TMEM117: variants seen among roughly 807,000 people sequenced by gnomAD.
TMEM117 encodes transmembrane protein 117.
In TMEM117, 27 loss-of-function variants were observed where a neutral mutation model predicts 52.4. The observed-to-expected ratio is 0.51, with a 90% CI of 0.38 to 0.71. The LOEUF is 0.71. Ranked by LOEUF, TMEM117 falls within the 30% of genes least tolerant of loss-of-function variation. The pLI, the probability that TMEM117 is intolerant of heterozygous loss-of-function variation, is 0.00. For synonymous variants in TMEM117, 215 were observed against 206.3 expected, an observed-to-expected ratio of 1.04 and a Z score of -0.36; for missense variants, 556 against 630.5, an observed-to-expected ratio of 0.88 and a Z score of 1.26.
At position 44,172,912 on chromosome 12, in the gene TMEM117, A is replaced by G. The variant is rs569551926; in HGVS notation, c.510+29288A>G. Among the ~76,000 whole-genome samples the G allele has an allele frequency of 2.6e-5, 4 of 152,130 alleles. No individual in the cohort carries two copies. The South Asian group carries it at 6.2e-4, about 24-fold the overall frequency. ...GCTAATTTTTGTATTTTTAGTAGAG[A>G]TGGGGTTTCACCATGTTGGCCAGGC... On this transcript the variant is annotated intron_variant, in intron 4 of 7. Transcript: ENST00000266534.
chr12:43,888,543 CTTTTTT>C (rs147186370), intron 2 of TMEM117, among the ~76,000 whole-genome samples: 14 of 92,160 alleles, frequency 1.5e-4, no homozygotes, highest in South Asian at 3.8e-4. Flanking sequence ...CATTAGTTTT[CTTTTTT>C]TTTTTTTTTT....
At chr12:44,008,792 C>A in intron 3 of TMEM117, 1 of 440,818 alleles carries the variant, frequency 2.3e-6, no homozygotes, top group South Asian at 1.9e-5. Flanking sequence ...TCTTTTTCCA[C>A]ATTCATGACA....
chr12:44,143,152 C>T (rs1948593775), intron 3 of TMEM117, among the ~76,000 whole-genome samples: 1 of 152,170 alleles, frequency 6.6e-6, no homozygotes, highest in African/African-American at 2.4e-5. Context: ...AAAGTTAGCT[C>T]TTCTCTCCTC....
chr12:44,214,809 A>G (rs777814568), intron 5 of TMEM117, among the ~76,000 whole-genome samples: 5 of 152,110 alleles, frequency 3.3e-5, no homozygotes, highest in Non-Finnish European at 5.9e-5. Flanking sequence ...AATGGTATTC[A>G]TGGTTGTAAA....
At chr12:43,823,169 G>T in the TMEM117 span, among the ~76,000 whole-genome samples, 1 of 152,138 alleles carries the variant, frequency 6.6e-6, no homozygotes, top group African/African-American at 2.4e-5. Context: ...GTATTAAGAA[G>T]GTAATAGGAG....
At chr12:43,940,420 C>T (rs1945025664) in intron 2 of TMEM117, among the ~76,000 whole-genome samples, 1 of 152,186 alleles carries the variant, frequency 6.6e-6, no homozygotes, top group African/African-American at 2.4e-5. Flanking sequence ...ATTCTTCTTT[C>T]CATTCTTTTG....
At chr12:44,327,360 G>T (rs1490607590) in intron 6 of TMEM117, among the ~76,000 whole-genome samples, 1 of 152,164 alleles carries the variant, frequency 6.6e-6, no homozygotes, top group Non-Finnish European at 1.5e-5. Flanking sequence ...TGTTTGAGTT[G>T]TGTAGAGGAA....
intron 5 of TMEM117, among the ~76,000 whole-genome samples, chr12:44,272,538 C>T (rs1228990072): frequency 6.6e-6 from 1 of 151,942 alleles, no homozygotes; most frequent in Non-Finnish European, 1.5e-5. Flanking sequence ...AAAAAAACAA[C>T]CCCATCAACA....
chr12:43,962,306 C>T (rs954702149), intron 3 of TMEM117, among the ~76,000 whole-genome samples: 1 of 152,108 alleles, frequency 6.6e-6, no homozygotes, highest in African/African-American at 2.4e-5. Flanking sequence ...TGACACTCTA[C>T]TTTTTCTTTT....
At chr12:43,871,100 T>G (rs1046065356) in intron 2 of TMEM117, among the ~76,000 whole-genome samples, 6 of 151,510 alleles carry the variant, frequency 4.0e-5, no homozygotes, top group Middle Eastern at 3.2e-3. Context: ...TTTGTTTTTT[T>G]TTTTTTGTTT....
At chr12:43,962,950 TAGG>T (rs1309227324) in intron 3 of TMEM117, among the ~76,000 whole-genome samples, 2 of 151,224 alleles carry the variant, frequency 1.3e-5, no homozygotes, top group Non-Finnish European at 1.5e-5. Context: ...AAAAAAAAAT[TAGG>T]AGGATAGTTC....
chr12:44,265,425 T>C (rs115156459), intron 5 of TMEM117, among the ~76,000 whole-genome samples: 1,750 of 152,254 alleles, frequency 0.011, 23 homozygotes, highest in South Asian at 0.052. Flanking sequence ...TTGGCTGCTC[T>C]GTGGAGCATG....
intron 3 of TMEM117, among the ~76,000 whole-genome samples, chr12:44,011,759 A>G (rs1187149316): frequency 1.3e-5 from 2 of 152,174 alleles, no homozygotes; most frequent in African/African-American, 2.4e-5. Flanking sequence ...ACAACAATAT[A>G]CTGTAATAAA....
intron 3 of TMEM117, among the ~76,000 whole-genome samples, chr12:44,029,393 A>C (rs1012647931): frequency 6.6e-6 from 1 of 152,202 alleles, no homozygotes; most frequent in African/African-American, 2.4e-5. Flanking sequence ...AGGCATGTAC[A>C]GGCATGTACA....
chr12:43,848,619 G>T (rs1943252796), intron 2 of TMEM117, among the ~76,000 whole-genome samples: 1 of 151,754 alleles, frequency 6.6e-6, no homozygotes. Context: ...CTTTTTCAAG[G>T]TGCACTAATT....
chr12:44,239,706 C>A (rs1321751100), intron 5 of TMEM117, among the ~76,000 whole-genome samples: 1 of 151,998 alleles, frequency 6.6e-6, no homozygotes, highest in East Asian at 1.9e-4. Context: ...CAACAGTTGT[C>A]AATGGTACCA....
chr12:43,881,277 G>A (rs1270223527), intron 2 of TMEM117, among the ~76,000 whole-genome samples: 1 of 152,140 alleles, frequency 6.6e-6, no homozygotes, highest in Non-Finnish European at 1.5e-5. Context: ...AGGGAAATTA[G>A]ACCAATTATT....
intron 5 of TMEM117, among the ~76,000 whole-genome samples, chr12:44,247,820 G>C (rs551954620): frequency 1.5e-4 from 23 of 152,292 alleles, no homozygotes; most frequent in African/African-American, 3.4e-4. Flanking sequence ...GTTAGTCCTG[G>C]GGAGAGGGTG....
At chr12:44,006,543 G>C (rs1038676513) in intron 3 of TMEM117, among the ~76,000 whole-genome samples, 2 of 152,104 alleles carry the variant, frequency 1.3e-5, no homozygotes, top group Non-Finnish European at 2.9e-5. Context: ...AATTCTCTGT[G>C]AGCTCCCTTG....
Sources: allele counts gnomAD v4.1 joint callset (sites outside exome capture counted in the v4.1 genomes callset), GRCh38; gene constraint gnomAD v4.1.1; transcripts MANE v1.5; gene names NCBI Gene and HGNC (gene_info 2026-07-23, HGNC 2026-07-21).